The following INPP5B variants were observed in gnomAD, a reference collection of about 807,000 sequenced individuals.
INPP5B encodes the protein inositol polyphosphate-5-phosphatase B.
Under a neutral mutation model 118.5 loss-of-function variants are expected in INPP5B, and 90 were observed. The ratio of observed to expected loss-of-function variants is 0.76; its 90% CI spans 0.64 to 0.90. The LOEUF is 0.90. Ranked by LOEUF, INPP5B falls within the 40% of genes least tolerant of loss-of-function variation. INPP5B has a pLI of 0.00. For missense variants in INPP5B, 984 were observed against 1,125.6 expected (o/e 0.87, Z 1.80); for synonymous variants, 385 against 418.9 (o/e 0.92, Z 0.99).
chr1:37,882,905 G>A lies in INPP5B; in HGVS notation c.1333C>T (p.Leu445=), dbSNP rs574719881. Residue 445 remains leucine, a synonymous_variant, in exon 14 of 24, where the codon CTG becomes TTG. Transcript: ENST00000373024. Reference sequence around the variant, plus strand: ...TCTATCCTGTAGTTGAGGTCCCCCAGCCACAAGATCACACTGTGAGGACAG... The same window carrying A: ...TCTATCCTGTAGTTGAGGTCCCCCAACCACAAGATCACACTGTGAGGACAG... The part of the protein sequence containing the change: ...TISNHDVILW[L]GDLNYRIEEL... 1 of 1,614,058 alleles carries A rather than the reference G, an allele frequency of 6.2e-7. No homozygotes were observed. The highest frequency in any genetic ancestry group is 8.5e-7 in the Non-Finnish European group (1 of 1,179,978).
intron 7 of INPP5B, among the ~76,000 whole-genome samples, chr1:37,904,479 G>A (rs901884589): frequency 1.3e-5 from 2 of 152,238 alleles, no homozygotes; most frequent in Admixed American, 6.5e-5. Flanking sequence ...GAACATACTG[G>A]CTAAAGTTAA....
At chr1:37,939,181 C>T (rs1160143481) in intron 6 of INPP5B, among the ~76,000 whole-genome samples, 3 of 128,822 alleles carry the variant, frequency 2.3e-5, no homozygotes, top group Non-Finnish European at 4.7e-5. Context: ...GCGACAAGAG[C>T]GAAACTCCGT....
rs1301535211 is a variant in INPP5B at position 37,876,162 on chromosome 1, A to G, written c.1678-446T>C. Reference sequence around the variant, plus strand: ...GCTGTCACCCAGGCTGGAGTACAATAGAGTGATCTTGGCTCACTGCAACCT... The same window carrying G: ...GCTGTCACCCAGGCTGGAGTACAATGGAGTGATCTTGGCTCACTGCAACCT... On this transcript the variant is annotated intron_variant, in intron 16 of 23. Coordinates refer to ENST00000373024, the MANE Select transcript of INPP5B (RefSeq NM_005540.3). 4.6e-5 allele frequency among the ~76,000 whole-genome samples: 7 copies of G among 150,672 alleles called. No individual in the cohort carries two copies. In the East Asian group the frequency reaches 1.4e-3, roughly 29 times the overall value.
At chr1:37,944,584 G>GTT (rs71057107) in intron 3 of INPP5B, among the ~76,000 whole-genome samples, 1 of 143,198 alleles carries the variant, frequency 7.0e-6, no homozygotes, top group Non-Finnish European at 1.5e-5. Flanking sequence ...CATGGTGTTC[G>GTT]TTTTTTTTTT....
At chr1:37,870,330 C>T (rs1642338270) in intron 19 of INPP5B, among the ~76,000 whole-genome samples, 1 of 152,158 alleles carries the variant, frequency 6.6e-6, no homozygotes. Flanking sequence ...AGGCTGGTCT[C>T]AAAGTCCTGG....
Position 37,865,775 on chromosome 1 carries a change from T to C in INPP5B, c.2500A>G (p.Thr834Ala). Reference sequence around the variant, plus strand: ...CTTCCTCTCACCTGTTTGCTTGCTGTGTAGTTGCCAGAACACTCCAAGCAG... The same window carrying C: ...CTTCCTCTCACCTGTTTGCTTGCTGCGTAGTTGCCAGAACACTCCAAGCAG... ...HNCLECSGNY[T>A]ASKQVISTLP... The change falls in exon 22 of 24, where the codon ACA (threonine) becomes GCA (alanine). Residue 834 changes from threonine to alanine, a missense_variant. Physicochemically the swap from Thr to Ala is moderately conservative, Grantham distance 58. This residue lies in a region of INPP5B where 634 missense variants were observed against 791.0 expected (regional missense o/e 0.80). Transcript: ENST00000373024. 1.9e-6 allele frequency: 3 copies of C among 1,613,366 alleles called. 1 individual carries two copies. Among genetic ancestry groups the C allele is most frequent in the South Asian group, 2.2e-5 (2 of 91,022 alleles).
chr1:37,894,389 C>A (rs1482186069), intron 7 of INPP5B, among the ~76,000 whole-genome samples: 1 of 152,104 alleles, frequency 6.6e-6, no homozygotes, highest in Non-Finnish European at 1.5e-5. Context: ...GGTGTTTTTT[C>A]TTCCCAGTTA....
At chr1:37,938,448 T>G (rs1279230205) in intron 6 of INPP5B, among the ~76,000 whole-genome samples, 1 of 152,186 alleles carries the variant, frequency 6.6e-6, no homozygotes, top group Non-Finnish European at 1.5e-5. Flanking sequence ...AAACATTTTC[T>G]GAGTTCCTGC....
intron 7 of INPP5B, chr1:37,930,701 C>G (rs1645423100): frequency 6.6e-6 from 1 of 152,214 alleles, no homozygotes; most frequent in Non-Finnish European, 1.5e-5. Flanking sequence ...AAACAAGCAC[C>G]GAGGAAGTCC....
In INPP5B at chr1:37,920,393, G is replaced by A. The variant is rs548765288; in HGVS notation, c.532+11520C>T. On this transcript the variant is annotated intron_variant, in intron 7 of 23. Coordinates refer to ENST00000373024, the MANE Select transcript of INPP5B (RefSeq NM_005540.3). ...ACAAAAGAAGAATGTGGCCGGGAGC[G>A]GTGGCTCATGCCTATAACCCCAGCA... Among the ~76,000 whole-genome samples the A allele has an allele frequency of 7.2e-5, 11 of 152,214 alleles. No homozygotes were observed. The East Asian group carries it at 2.1e-3, about 29-fold the overall frequency.
intron 7 of INPP5B, among the ~76,000 whole-genome samples, chr1:37,895,862 A>G (rs1310338507): frequency 6.6e-6 from 1 of 152,144 alleles, no homozygotes; most frequent in African/African-American, 2.4e-5. Context: ...TCGGCTCGCT[A>G]CAACCTCCAC....
intron 7 of INPP5B, among the ~76,000 whole-genome samples, chr1:37,896,659 C>T (rs1407717311): frequency 4.4e-4 from 55 of 124,452 alleles, no homozygotes; most frequent in Middle Eastern, 5.8e-3. Flanking sequence ...CGCCTCTGCC[C>T]GGCCGCCCCT....
intron 6 of INPP5B, among the ~76,000 whole-genome samples, chr1:37,937,779 A>G (rs1645751242): frequency 6.6e-6 from 1 of 151,216 alleles, no homozygotes; most frequent in African/African-American, 2.4e-5. Context: ...AAAATAAAAT[A>G]AAATAAAATA....
rs1434433392 is a variant in INPP5B, at chr1:37,873,290, CA to C, written c.1952-126del. 7.4e-6 allele frequency: 5 copies of C among 673,064 alleles called. No individual in the cohort carries two copies. In the African/African-American group the frequency reaches 9.0e-5, roughly 12 times the overall value. 41.7% of individuals were successfully genotyped at this position (673,064 alleles called of 1,614,324 possible). A position where few individuals can be genotyped will look rare whatever the true frequency, so the allele number is the denominator to read the frequency against. ...AAGGAAAGAAAAGGTATCAGCCAAC[CA>C]ACAAGCATCCAAATGTGCTTGGCAT... On this transcript the variant is annotated intron_variant, in intron 18 of 23. Transcript: ENST00000373024.
At position 37,862,845 on chromosome 1, in the gene INPP5B, T is replaced by C. The variant is rs572124400; in HGVS notation, c.2627-415A>G. Reference sequence around the variant, plus strand: ...GAGTTCAAGACCAGCTAGGCCAACATGGTAAAACCCCATCTCTACTAAAAA... The same window carrying C: ...GAGTTCAAGACCAGCTAGGCCAACACGGTAAAACCCCATCTCTACTAAAAA... On this transcript the variant is annotated intron_variant, in intron 23 of 23. Transcript: ENST00000373024. Among the ~76,000 whole-genome samples the C allele has an allele frequency of 5.9e-5, 9 of 152,100 alleles. No individual in the cohort carries two copies. In the South Asian group the frequency reaches 8.3e-4, roughly 14 times the overall value.
intron 16 of INPP5B, among the ~76,000 whole-genome samples, chr1:37,877,330 A>C (rs1198501138): frequency 6.6e-6 from 1 of 151,680 alleles, no homozygotes; most frequent in Non-Finnish European, 1.5e-5. Context: ...TGACAGAGCG[A>C]GACTCCATCT....
intron 7 of INPP5B, among the ~76,000 whole-genome samples, chr1:37,914,195 T>C (rs1042832061): frequency 6.6e-6 from 1 of 152,210 alleles, no homozygotes; most frequent in South Asian, 2.1e-4. Context: ...TTGTTTAGCA[T>C]ATAATCAAGA....
chr1:37,888,399 G>T, intron 9 of INPP5B, 55 bp from the exon 10 acceptor site: 1 of 1,121,456 alleles, frequency 8.9e-7, no homozygotes, highest in Admixed American at 2.8e-5. Context: ...GATAACAGGA[G>T]AAAGCATTTT....
chr1:37,919,448 T>C (rs751768370), intron 7 of INPP5B, among the ~76,000 whole-genome samples: 1 of 152,126 alleles, frequency 6.6e-6, no homozygotes, highest in Non-Finnish European at 1.5e-5. Flanking sequence ...GGTTCAATGT[T>C]TGCCAGCAAG....
Sources: gnomAD v4.1 joint callset for allele counts (sites outside exome capture counted in the v4.1 genomes callset) on GRCh38, gnomAD v4.1.1 for gene constraint, gnomAD v4.1.1 regional missense constraint, MANE v1.5 for transcripts, NCBI Gene and HGNC (gene_info 2026-07-23, HGNC 2026-07-21) for gene names.